The following CHKA variants were observed in gnomAD, a reference collection of about 807,000 sequenced individuals.
The protein encoded by CHKA is choline kinase alpha.
Under a neutral mutation model 60.1 loss-of-function variants are expected in CHKA, and 34 were observed. The ratio of observed to expected loss-of-function variants is 0.57; its 90% CI spans 0.43 to 0.75. The LOEUF (loss-of-function observed/expected upper bound fraction) is 0.75. CHKA is among the 30% of genes least tolerant of loss of function. CHKA has a pLI of 0.00. For synonymous variants in CHKA, 217 were observed against 223.1 expected (o/e 0.97, Z 0.24); for missense variants, 563 against 561.3 (o/e 1.00, Z -0.03).
chr11:68,113,220 G>A (rs1162772994), intron 1 of CHKA, among the ~76,000 whole-genome samples: 3 of 150,858 alleles, frequency 2.0e-5, no homozygotes, highest in Non-Finnish European at 4.4e-5. Context: ...GAGGCAGGAG[G>A]ACCACATCTG....
At chr11:68,115,502 A>G (rs997228189) in intron 1 of CHKA, among the ~76,000 whole-genome samples, 5 of 152,152 alleles carry the variant, frequency 3.3e-5, no homozygotes, top group Non-Finnish European at 5.9e-5. Flanking sequence ...AGGGGGTTAT[A>G]TGGGAACTCT....
intron 5 of CHKA, 56 bp from the exon 6 acceptor site, chr11:68,070,349 A>G: frequency 7.9e-7 from 1 of 1,265,222 alleles, no homozygotes; most frequent in South Asian, 1.2e-5. Flanking sequence ...CAATTCACCA[A>G]GGCTTGCTGT....
chr11:68,061,485 A>G (rs924617636), intron 11 of CHKA: 5 of 255,792 alleles, frequency 2.0e-5, no homozygotes, highest in Non-Finnish European at 4.0e-5. Flanking sequence ...GTCTAATTCA[A>G]TAATTACCAG....
intron 11 of CHKA, among the ~76,000 whole-genome samples, chr11:68,057,477 G>A (rs1045977067): frequency 1.3e-5 from 2 of 151,890 alleles, no homozygotes; most frequent in African/African-American, 4.8e-5. Flanking sequence ...CTGCCACCAG[G>A]CCCGGCTAAT....
At chr11:68,065,267 A>G (rs1372060939) in intron 9 of CHKA, among the ~76,000 whole-genome samples, 1 of 152,242 alleles carries the variant, frequency 6.6e-6, no homozygotes, top group East Asian at 1.9e-4. Flanking sequence ...AGGATGACAA[A>G]GCTCTTCTCT....
intron 3 of CHKA, 79 bp from the exon 4 acceptor site, chr11:68,074,909 G>T: frequency 8.2e-7 from 1 of 1,226,516 alleles, no homozygotes; most frequent in Non-Finnish European, 1.2e-6. Flanking sequence ...TCACAGGAGT[G>T]TTTCATCTGA....
intron 2 of CHKA, among the ~76,000 whole-genome samples, chr11:68,093,083 C>G (rs1170084733): frequency 2.0e-5 from 3 of 149,584 alleles, no homozygotes; most frequent in African/African-American, 7.4e-5. Flanking sequence ...TCTTGGCTCA[C>G]TGCAATCTCC....
intron 1 of CHKA, among the ~76,000 whole-genome samples, chr11:68,109,086 CTTTTT>C (rs1040771984): frequency 4.6e-5 from 6 of 130,594 alleles, no homozygotes; most frequent in African/African-American, 1.7e-4. Context: ...TTTTCTTTTC[CTTTTT>C]TTTTTTTTTT....
Position 68,065,773 on chromosome 11 carries a change from A to T in CHKA, c.1125+13T>A. ...TAATTTTCCTATCAAGTATACAAAA[A>T]CTCATCTCCTACCTGTTGTTTCTTG... On this transcript the variant is annotated intron_variant, in intron 9 of 11. Transcript: ENST00000265689. 6.5e-7 allele frequency: 1 copy of T among 1,536,454 alleles called. No individual in the cohort carries two copies. Among genetic ancestry groups the T allele is most frequent in the East Asian group, 2.3e-5 (1 of 43,846 alleles).
Position 68,054,123 on chromosome 11 carries a change from C to G in CHKA, c.1315-76G>C, listed in dbSNP as rs1855907489. ...CCCTGCCCATGTGTCCCCCAATCCCCACCCCAGGCAAGAGCTGAGGGCACG... is the reference window on the plus strand; with the variant it reads ...CCCTGCCCATGTGTCCCCCAATCCCGACCCCAGGCAAGAGCTGAGGGCACG... On this transcript the variant is annotated intron_variant, in intron 11 of 11. Transcript: ENST00000265689. 4 of 1,281,148 alleles carry G rather than the reference C, an allele frequency of 3.1e-6. No homozygotes were observed. The East Asian group carries it at 9.8e-5, about 31-fold the overall frequency. The allele number at this position is 1,281,148 out of a possible 1,614,324, so 79.4% of individuals were successfully genotyped here. A position where few individuals can be genotyped will look rare whatever the true frequency, so the allele number is the denominator to read the frequency against.
intron 3 of CHKA, among the ~76,000 whole-genome samples, chr11:68,079,370 C>T (rs999577587): frequency 6.6e-6 from 1 of 151,934 alleles, no homozygotes; most frequent in Admixed American, 6.6e-5. Flanking sequence ...CGCACTGTCG[C>T]CCAGGCTGGA....
chr11:68,080,537 G>A (rs1050494075), intron 3 of CHKA, among the ~76,000 whole-genome samples: 5 of 151,968 alleles, frequency 3.3e-5, no homozygotes, highest in Admixed American at 2.0e-4. Flanking sequence ...CAGTAGAGAC[G>A]GGGTTTCACC....
intron 2 of CHKA, among the ~76,000 whole-genome samples, chr11:68,084,274 G>GTA (rs1308550301): frequency 2.1e-5 from 3 of 141,056 alleles, no homozygotes; most frequent in South Asian, 2.2e-4. Context: ...ACATATATAC[G>GTA]TATATATACA....
intron 3 of CHKA, 122 bp from the exon 4 acceptor site, chr11:68,074,952 T>C (rs934322684): frequency 4.7e-5 from 37 of 789,384 alleles, no homozygotes; most frequent in Non-Finnish European, 7.8e-5. Context: ...TGGGCACTAC[T>C]GTTATCATCA....
intron 1 of CHKA, 130 bp downstream of exon 1, chr11:68,120,698 C>A: frequency 3.5e-6 from 1 of 288,244 alleles, no homozygotes; most frequent in South Asian, 1.3e-4. Context: ...CCCCGGTCCC[C>A]GGCCTCCGCC....
chr11:68,085,926 G>C (rs1449716208), intron 2 of CHKA, among the ~76,000 whole-genome samples: 2 of 152,072 alleles, frequency 1.3e-5, no homozygotes, highest in Non-Finnish European at 2.9e-5. Context: ...ACCACGCCCG[G>C]CTATTTAGGC....
chr11:68,120,002 G>T (rs560374131), intron 1 of CHKA, among the ~76,000 whole-genome samples: 20 of 152,282 alleles, frequency 1.3e-4, no homozygotes, highest in Non-Finnish European at 2.4e-4. Flanking sequence ...GTCGAAGCGG[G>T]TGGATCACCT....
chr11:68,069,016 C>A, intron 6 of CHKA, 79 bp from the exon 7 acceptor site: 1 of 1,106,278 alleles, frequency 9.0e-7, no homozygotes. Flanking sequence ...ACATGGCCAG[C>A]ACCAAATTCG....
At chr11:68,088,321 C>T (rs1857251627) in intron 2 of CHKA, among the ~76,000 whole-genome samples, 1 of 152,084 alleles carries the variant, frequency 6.6e-6, no homozygotes, top group Non-Finnish European at 1.5e-5. Flanking sequence ...GGATTCAATT[C>T]AGTAGCTGTG....
Sources: gnomAD v4.1 joint callset for allele counts (sites outside exome capture counted in the v4.1 genomes callset) on GRCh38, gnomAD v4.1.1 for gene constraint, MANE v1.5 for transcripts, NCBI Gene and HGNC (gene_info 2026-07-23, HGNC 2026-07-21) for gene names.